Variants in SAMD12 observed in about 807,000 individuals in gnomAD.
SAMD12 encodes sterile alpha motif domain-containing protein 12.
A neutral mutation model predicts 15.0 loss-of-function variants in SAMD12; 9 were observed. The observed-to-expected ratio is 0.60, with a 90% CI of 0.36 to 1.05. The LOEUF is 1.05. Ranked by LOEUF, SAMD12 falls within the 50% of genes least tolerant of loss-of-function variation. The pLI is 0.01. For missense variants in SAMD12, 230 were observed against 234.2 expected, an observed-to-expected ratio of 0.98 and a Z score of 0.12; for synonymous variants, 86 against 90.1, an observed-to-expected ratio of 0.96 and a Z score of 0.25.
chr8:118,323,967 T>C (rs2130466877), intron 4 of SAMD12, among the ~76,000 whole-genome samples: 1 of 152,170 alleles, frequency 6.6e-6, no homozygotes, highest in East Asian at 1.9e-4. Flanking sequence ...TTGTTTTCTT[T>C]TTAATACTTT....
At chr8:118,391,555 C>G (rs1374382294) in intron 3 of SAMD12, among the ~76,000 whole-genome samples, 1 of 152,134 alleles carries the variant, frequency 6.6e-6, no homozygotes, top group Non-Finnish European at 1.5e-5. Context: ...TGTTCACATG[C>G]CAAAGAGAAC....
chr8:118,136,946 A>G, the SAMD12 span, among the ~76,000 whole-genome samples: 74 of 152,318 alleles, frequency 4.9e-4, no homozygotes, highest in African/African-American at 1.5e-3. Flanking sequence ...TGTTACTGGT[A>G]GAGGGTTTGA....
chr8:118,384,358 T>G (rs949705166), intron 3 of SAMD12, among the ~76,000 whole-genome samples: 6 of 152,242 alleles, frequency 3.9e-5, no homozygotes, highest in African/African-American at 1.4e-4. Flanking sequence ...CTGGTCACTA[T>G]GTGGAGAATG....
rs191214562 is a variant in SAMD12 at position 118,239,588 on chromosome 8, G to C, written c.434-41856C>G. Among the ~76,000 whole-genome samples, 3 of 152,230 alleles carry C rather than the reference G, an allele frequency of 2.0e-5. No homozygotes were observed. In the East Asian group the frequency reaches 5.8e-4, roughly 29 times the overall value. ...ACAGATGGGTTTTTCTTACACCAAA[G>C]ACTTTCCATCATACTCTGCTCTTAG... is the stretch of plus-strand genomic sequence containing the variant. On this transcript the variant is annotated intron_variant, in intron 4 of 4. Transcript: ENST00000409003.
At chr8:118,340,202 A>G (rs1817282680) in intron 4 of SAMD12, among the ~76,000 whole-genome samples, 1 of 152,212 alleles carries the variant, frequency 6.6e-6, no homozygotes, top group South Asian at 2.1e-4. Flanking sequence ...TATACACCCA[A>G]AAGAAAAACA....
At chr8:118,406,571 C>T (rs1362382466) in intron 3 of SAMD12, among the ~76,000 whole-genome samples, 1 of 151,972 alleles carries the variant, frequency 6.6e-6, no homozygotes, top group East Asian at 1.9e-4. Flanking sequence ...ACTGGCCCAA[C>T]CTCTTAACCA....
chr8:118,579,751 T>C (rs933435863), intron 2 of SAMD12, among the ~76,000 whole-genome samples: 1 of 152,096 alleles, frequency 6.6e-6, no homozygotes, highest in Non-Finnish European at 1.5e-5. Flanking sequence ...TCAACCAACA[T>C]TTGAAAGGAA....
chr8:118,145,436 T>C, the SAMD12 span, among the ~76,000 whole-genome samples: 2 of 152,246 alleles, frequency 1.3e-5, no homozygotes, highest in African/African-American at 4.8e-5. Context: ...CTATCTTGAG[T>C]GTTCATTCAT....
At chr8:118,527,936 T>C (rs1425049278) in intron 2 of SAMD12, among the ~76,000 whole-genome samples, 1 of 152,230 alleles carries the variant, frequency 6.6e-6, no homozygotes, top group Non-Finnish European at 1.5e-5. Context: ...CCTACTTAGT[T>C]ATTGCATCTT....
At chr8:118,568,951 T>C (rs1281923873) in intron 2 of SAMD12, among the ~76,000 whole-genome samples, 1 of 152,200 alleles carries the variant, frequency 6.6e-6, no homozygotes, top group Non-Finnish European at 1.5e-5. Flanking sequence ...AAATTCTGCT[T>C]GGTATAATTT....
intron 1 of SAMD12, among the ~76,000 whole-genome samples, chr8:118,584,400 A>G (rs1827376705): frequency 6.6e-6 from 1 of 151,886 alleles, no homozygotes; most frequent in African/African-American, 2.4e-5. Flanking sequence ...TTTTGTGTTC[A>G]TCACTGCCCT....
chr8:118,333,781 C>T (rs534968523), intron 4 of SAMD12, among the ~76,000 whole-genome samples: 2 of 152,110 alleles, frequency 1.3e-5, no homozygotes, highest in Non-Finnish European at 2.9e-5. Context: ...AATCCAATCA[C>T]ACTGTACTCA....
At chr8:118,202,560 A>C (rs1819743567) in intron 4 of SAMD12, among the ~76,000 whole-genome samples, 1 of 152,204 alleles carries the variant, frequency 6.6e-6, no homozygotes, top group South Asian at 2.1e-4. Flanking sequence ...GGGATGGATT[A>C]TGTCCCGCCC....
At chr8:118,461,038 T>C (rs1823404887) in intron 2 of SAMD12, among the ~76,000 whole-genome samples, 2 of 152,358 alleles carry the variant, frequency 1.3e-5, no homozygotes, top group South Asian at 4.1e-4. Context: ...ACCTGGAGAA[T>C]TCCTGCACAC....
chr8:118,402,899 C>T (rs1234408330), intron 3 of SAMD12, among the ~76,000 whole-genome samples: 1 of 152,142 alleles, frequency 6.6e-6, no homozygotes, highest in Non-Finnish European at 1.5e-5. Flanking sequence ...CATGCACACA[C>T]ACAAAAAATC....
chr8:118,530,645 T>C (rs547129805), intron 2 of SAMD12, among the ~76,000 whole-genome samples: 3 of 152,356 alleles, frequency 2.0e-5, no homozygotes, highest in African/African-American at 4.8e-5. Flanking sequence ...TCCCATTCTG[T>C]AGGTTGTCTC....
At chr8:118,386,595 C>T (rs1819976221) in intron 3 of SAMD12, among the ~76,000 whole-genome samples, 1 of 152,166 alleles carries the variant, frequency 6.6e-6, no homozygotes, top group African/African-American at 2.4e-5. Context: ...CTGACTACGG[C>T]ACAGGGTTCA....
the SAMD12 span, among the ~76,000 whole-genome samples, chr8:118,158,157 G>C: frequency 1.3e-5 from 2 of 152,208 alleles, no homozygotes; most frequent in Non-Finnish European, 2.9e-5. Flanking sequence ...GAGATCTGTA[G>C]AAGGTACATC....
chr8:118,353,192 C>A (rs772722716), intron 4 of SAMD12, among the ~76,000 whole-genome samples: 2 of 149,812 alleles, frequency 1.3e-5, no homozygotes, highest in Non-Finnish European at 3.0e-5. Context: ...TGAGCATGTT[C>A]TCTTGTTACT....
Sources: allele counts gnomAD v4.1 joint callset (sites outside exome capture counted in the v4.1 genomes callset), GRCh38; gene constraint gnomAD v4.1.1; transcripts MANE v1.5; gene names NCBI Gene and HGNC (gene_info 2026-07-23, HGNC 2026-07-21).